Variants in GIGYF2 observed in about 807,000 individuals in gnomAD.
GIGYF2 encodes GRB10-interacting GYF protein 2.
A neutral mutation model predicts 208.1 loss-of-function variants in GIGYF2; 25 were observed. The observed-to-expected ratio is 0.12, with a 90% confidence interval of 0.09 to 0.17. The LOEUF (loss-of-function observed/expected upper bound fraction) is 0.17. Among genes scored for constraint, GIGYF2 ranks in the 10% least tolerant of loss-of-function variants. The pLI is 1.00. For missense variants in GIGYF2, 1,302 were observed against 1,579.4 expected (o/e 0.82, Z 2.98); for synonymous variants, 534 against 543.8 (o/e 0.98, Z 0.25).
chr2:232,708,699 G>A (rs1469714151), intron 2 of GIGYF2, among the ~76,000 whole-genome samples: 4 of 149,734 alleles, frequency 2.7e-5, no homozygotes, highest in Non-Finnish European at 5.9e-5. Context: ...AAAAGTAGCT[G>A]GGCATGGTGG....
intron 20 of GIGYF2, 54 bp from the exon 21 acceptor site, chr2:232,819,773 A>G: frequency 1.2e-6 from 1 of 813,656 alleles, no homozygotes; most frequent in Non-Finnish European, 2.2e-6. Context: ...TAATAAATTG[A>G]ATGATAGACC....
intron 2 of GIGYF2, among the ~76,000 whole-genome samples, chr2:232,722,293 T>C (rs752006533): frequency 6.6e-6 from 1 of 152,146 alleles, no homozygotes; most frequent in Non-Finnish European, 1.5e-5. Flanking sequence ...GTTACAGTCA[T>C]GGCAGAAGGA....
chr2:232,814,458 G>T (rs1260241610), intron 18 of GIGYF2, among the ~76,000 whole-genome samples: 2 of 151,290 alleles, frequency 1.3e-5, no homozygotes, highest in African/African-American at 2.4e-5. Context: ...AGCTACTCCG[G>T]AGGCTGAGGC....
In GIGYF2 at chr2:232,847,485, G is replaced by A. The variant is rs1242610792; in HGVS notation, c.3598G>A (p.Ala1200Thr). 6.2e-7 allele frequency: 1 copy of A among 1,610,762 alleles called. No individual in the cohort carries two copies. Among genetic ancestry groups the A allele is most frequent in the South Asian group, 1.1e-5 (1 of 90,956 alleles). ...CCTTGAGCGCCGTGCCAAACAGAAA[G>A]CCAACCAGCAGCGTCAGCAGCAGCA... ...QFLERRAKQK[A>T]NQQRQQQQLP... Residue 1200 changes from alanine to threonine, a missense_variant, in exon 27 of 29, where the codon GCC becomes ACC. Around this residue, in one of 8 missense-constraint regions of GIGYF2, gnomAD observed 701 missense variants for 793.0 expected, o/e 0.88. Coordinates refer to ENST00000373563, the MANE Select transcript of GIGYF2 (RefSeq NM_001103146.3).
At chr2:232,796,254 G>A in intron 14 of GIGYF2, 33 bp downstream of exon 14, 1 of 1,365,078 alleles carries the variant, frequency 7.3e-7, no homozygotes, top group South Asian at 1.2e-5. Context: ...AAATACTGAA[G>A]TGTGTGCCAT....
chr2:232,738,404 C>T (rs1226495809), intron 3 of GIGYF2, among the ~76,000 whole-genome samples: 1 of 152,182 alleles, frequency 6.6e-6, no homozygotes, highest in African/African-American at 2.4e-5. Context: ...AATGCTGCCA[C>T]CTTAGACCTT....
chr2:232,736,798 C>G (rs980223230), intron 3 of GIGYF2: 1 of 152,142 alleles, frequency 6.6e-6, no homozygotes, highest in African/African-American at 2.4e-5. Flanking sequence ...TTTACATACC[C>G]TCATGTCTGT....
chr2:232,832,953 C>T lies in GIGYF2; in HGVS notation c.2626C>T (p.Arg876Trp), dbSNP rs1302599326. The T allele has an allele frequency of 9.5e-6, 15 of 1,571,428 alleles. No individual in the cohort carries two copies. The highest frequency in any genetic ancestry group is 1.9e-5 in the Admixed American group (1 of 53,768). ...LRMEEEAARL[R>W]HEEEERKRKE... ...GATGGAAGAGGAGGCAGCCAGACTCCGGCATGAGGAAGAAGAACGGAAGAG... is the reference window on the plus strand; with the variant it reads ...GATGGAAGAGGAGGCAGCCAGACTCTGGCATGAGGAAGAAGAACGGAAGAG... Residue 876 changes from arginine to tryptophan, a missense_variant, in exon 22 of 29, where the codon CGG (arginine) becomes TGG (tryptophan). Physicochemically the swap from Arg to Trp is moderately radical, Grantham distance 101. Transcript: ENST00000373563.
At chr2:232,826,122 G>A (rs1036793596) in intron 21 of GIGYF2, among the ~76,000 whole-genome samples, 2 of 152,146 alleles carry the variant, frequency 1.3e-5, no homozygotes, top group African/African-American at 4.8e-5. Flanking sequence ...CATTTGGGTT[G>A]GTTCCAAGTC....
At chr2:232,729,463 G>T (rs1423373004) in intron 2 of GIGYF2, 8 of 741,618 alleles carry the variant, frequency 1.1e-5, no homozygotes, top group South Asian at 3.1e-5. Context: ...TTATTTTTAG[G>T]TTTTTTTTTT....
At chr2:232,714,245 C>T (rs1031911749) in intron 2 of GIGYF2, among the ~76,000 whole-genome samples, 10 of 152,226 alleles carry the variant, frequency 6.6e-5, no homozygotes, top group South Asian at 4.2e-4. Flanking sequence ...GCCACCATGC[C>T]GGACCGAGGA....
rs1166261477 is a variant in GIGYF2, at chr2:232,825,580, A to G, written c.2529+5595A>G. Among the ~76,000 whole-genome samples, 7 of 152,190 alleles carry G rather than the reference A, an allele frequency of 4.6e-5. No individual in the cohort carries two copies. The South Asian group carries it at 1.2e-3, about 27-fold the overall frequency. ...CTTCTTATGGAAGCAACTACTTCCC[A>G]TATGCAAATAAAGAAGTTTCTTAAG... On this transcript the variant is annotated intron_variant, in intron 21 of 28. Coordinates refer to ENST00000373563, the MANE Select transcript of GIGYF2 (RefSeq NM_001103146.3).
chr2:232,717,051 C>CA (rs1400031239), intron 2 of GIGYF2, among the ~76,000 whole-genome samples: 1 of 151,692 alleles, frequency 6.6e-6, no homozygotes, highest in African/African-American at 2.4e-5. Context: ...TGGGCTCAAG[C>CA]AATCCAGCTG....
intron 2 of GIGYF2, chr2:232,730,044 G>T: frequency 1.1e-6 from 1 of 879,616 alleles, no homozygotes; most frequent in Non-Finnish European, 1.9e-6. Context: ...CCAACGAAGG[G>T]CATAACACAA....
intron 23 of GIGYF2, chr2:232,843,133 CTG>C (rs201402877): frequency 0.34 from 49,056 of 144,868 alleles, 8,491 homozygotes; most frequent in Admixed American, 0.37. Flanking sequence ...TGTGTTTATG[CTG>C]TGTGTGTGTG....
intron 9 of GIGYF2, among the ~76,000 whole-genome samples, chr2:232,787,557 T>A (rs533682580): frequency 2.3e-4 from 35 of 152,296 alleles, no homozygotes; most frequent in Non-Finnish European, 3.8e-4. Context: ...AATAGTGTAG[T>A]TTAATGGGAA....
intron 20 of GIGYF2, among the ~76,000 whole-genome samples, chr2:232,819,596 T>G (rs781636384): frequency 2.1e-4 from 32 of 152,242 alleles, no homozygotes; most frequent in Non-Finnish European, 4.1e-4. Context: ...CTTCACAGTT[T>G]ATTGTAATTT....
rs143721327 is a variant in GIGYF2, at chr2:232,780,589, A to G, written c.533-6561A>G. Among the ~76,000 whole-genome samples the G allele has an allele frequency of 1.2e-3, 177 of 152,370 alleles. 1 individual carries two copies. The highest frequency in any genetic ancestry group is 4.0e-3 in the African/African-American group (166 of 41,594). ...GCATGCCAGCACAAAGTGCATGTCC[A>G]GTGCAAGGATTCACAGCCCTGAGCT... On this transcript the variant is annotated intron_variant, in intron 8 of 28. Coordinates refer to ENST00000373563, the MANE Select transcript of GIGYF2 (RefSeq NM_001103146.3).
At chr2:232,781,898 A>G (rs567735158) in intron 8 of GIGYF2, among the ~76,000 whole-genome samples, 1 of 152,316 alleles carries the variant, frequency 6.6e-6, no homozygotes, top group South Asian at 2.1e-4. Context: ...GGCCTTGGGA[A>G]ACCACCTTAC....
Sources: gnomAD v4.1 joint callset for allele counts (sites outside exome capture counted in the v4.1 genomes callset) on GRCh38, gnomAD v4.1.1 for gene constraint, gnomAD v4.1.1 regional missense constraint, MANE v1.5 for transcripts, NCBI Gene and HGNC (gene_info 2026-07-23, HGNC 2026-07-21) for gene names.